Variants in RSPH1 observed in about 807,000 individuals in gnomAD.
The protein encoded by RSPH1 is radial spoke head component 1.
A neutral mutation model predicts 44.2 loss-of-function variants in RSPH1; 32 were observed. The ratio of observed to expected loss-of-function variants is 0.72; its 90% confidence interval spans 0.55 to 0.97. The LOEUF is 0.97. Ranked by LOEUF, RSPH1 falls within the 50% of genes least tolerant of loss-of-function variation. The pLI is 0.00. For missense variants in RSPH1, 391 were observed against 398.7 expected (o/e 0.98, Z 0.16); for synonymous variants, 134 against 147.3 (o/e 0.91, Z 0.65).
At position 42,477,408 on chromosome 21, in the gene RSPH1, T is replaced by C. The variant is rs1359953223; in HGVS notation, c.610A>G (p.Thr204Ala). Reference protein sequence around the residue: ...GEEEEEEELVTVVPKWKATQI... With the variant: ...GEEEEEEELVAVVPKWKATQI... The stretch of plus-strand genomic sequence containing the variant: ...GTAGCTTTCCATTTTGGAACAACAG[T>C]TACTAATTCTTCCTCCTCTTCCTCT... Residue 204 changes from threonine to alanine, a missense_variant, in exon 7 of 9, where the codon ACT becomes GCT. Transcript: ENST00000291536. 2 of 1,614,126 alleles carry C rather than the reference T, an allele frequency of 1.2e-6. No individual in the cohort carries two copies. Among genetic ancestry groups the C allele is most frequent in the Non-Finnish European group, 8.5e-7 (1 of 1,179,960 alleles).
intron 4 of RSPH1, 73 bp downstream of exon 4, chr21:42,486,298 T>G: frequency 1.8e-6 from 2 of 1,096,820 alleles, no homozygotes; most frequent in East Asian, 4.7e-5. Flanking sequence ...CCTCAGTAAG[T>G]GTAAACAATC....
intron 8 of RSPH1, among the ~76,000 whole-genome samples, 182 bp from the exon 9 acceptor site, chr21:42,473,052 C>T (rs1267375432): frequency 6.6e-6 from 1 of 151,862 alleles, no homozygotes; most frequent in South Asian, 2.1e-4. Context: ...TTTTGGTACC[C>T]GACATAAAAT....
Position 42,482,655 on chromosome 21 carries a change from T to A in RSPH1, c.555A>T (p.Glu185Asp), listed in dbSNP as rs1329945615. The change falls in exon 6 of 9, where the codon GAA (glutamate) becomes GAT (aspartate). Residue 185 changes from glutamate (E) to aspartate (D), a missense_variant. Transcript: ENST00000291536. ...AACTTACCATATCTGTTAAACGATA[T>A]TCACCATGTTGTTCACACCCAACAT... ...VFDVGCEQHG[E>D]YRLTDMERGE... The A allele has an allele frequency of 6.2e-7, 1 of 1,612,752 alleles. No individual in the cohort carries two copies. The highest frequency in any genetic ancestry group is 2.2e-5 in the East Asian group (1 of 44,862).
At chr21:42,496,035 A>G in intron 1 of RSPH1, 98 bp downstream of exon 1, 1 of 1,379,256 alleles carries the variant, frequency 7.3e-7, no homozygotes. Flanking sequence ...TGTGGCTCAG[A>G]CCTCTGGTTT....
rs1281564043 is a variant in RSPH1, at chr21:42,486,360, A to G, written c.365+11T>C. On this transcript the variant is annotated intron_variant, in intron 4 of 8. Transcript: ENST00000291536. ...AGCAAATCCCGTTAAGACCCAAGATAGAAACCGAACCTTTGATGAGCAAAC... is the reference window on the plus strand; with the variant it reads ...AGCAAATCCCGTTAAGACCCAAGATGGAAACCGAACCTTTGATGAGCAAAC... 1.5e-5 allele frequency: 24 copies of G among 1,595,328 alleles called. No homozygotes were observed. Among genetic ancestry groups the G allele is most frequent in the Non-Finnish European group, 2.1e-5 (24 of 1,163,012 alleles).
chr21:42,486,288 C>A, intron 4 of RSPH1, 83 bp downstream of exon 4: 2 of 1,030,612 alleles, frequency 1.9e-6, no homozygotes, highest in South Asian at 1.3e-5. Flanking sequence ...TGATTCTGTT[C>A]CTCAGTAAGT....
chr21:42,491,118 G>A (rs1173962782), intron 3 of RSPH1, among the ~76,000 whole-genome samples: 1 of 152,140 alleles, frequency 6.6e-6, no homozygotes, highest in Non-Finnish European at 1.5e-5. Context: ...AGTCCTATGA[G>A]CCGCTATGGC....
chr21:42,486,436 G>A lies in RSPH1; in HGVS notation c.300C>T (p.His100=), dbSNP rs753822297. 1.3e-5 allele frequency: 21 copies of A among 1,613,834 alleles called. No homozygotes were observed. Among genetic ancestry groups the A allele is most frequent in the Admixed American group, 8.3e-5 (5 of 60,000 alleles). ...TGATGTAGTAGTATACGCCATGGCC[G>A]TGCCGCAGGTCATTTGCCCACTCTC... The part of the protein sequence containing the change: ...YEGEWANDLR[H]GHGVYYYINN... The change falls in exon 4 of 9, where the codon CAC becomes CAT. Residue 100 remains histidine (H), a synonymous_variant. Transcript: ENST00000291536.
At chr21:42,482,285 C>T (rs1188825923) in intron 6 of RSPH1, among the ~76,000 whole-genome samples, 3 of 152,142 alleles carry the variant, frequency 2.0e-5, no homozygotes, top group Non-Finnish European at 2.9e-5. Flanking sequence ...GGATTCATCA[C>T]GTTGGCCAGT....
rs983826691 is a variant in RSPH1 at position 42,489,749 on chromosome 21, G to A, written c.274+3009C>T. Among the ~76,000 whole-genome samples the A allele has an allele frequency of 3.4e-4, 52 of 151,930 alleles. 1 individual carries two copies. The highest frequency in any genetic ancestry group is 1.5e-5 in the Non-Finnish European group (1 of 67,870). ...AGATGCAGAACCTGAAAAGCAGAGA[G>A]ACTGCATGCATTCCCCAAGGTCCCA... On this transcript the variant is annotated intron_variant, in intron 3 of 8. Transcript: ENST00000291536.
chr21:42,484,278 A>G (rs777874798), intron 5 of RSPH1, among the ~76,000 whole-genome samples: 18 of 152,228 alleles, frequency 1.2e-4, no homozygotes, highest in African/African-American at 4.1e-4. Context: ...CTCATATTCT[A>G]TTGGCAAGAG....
chr21:42,474,169 C>T lies in RSPH1; in HGVS notation c.878-1299G>A, dbSNP rs968419031. On this transcript the variant is annotated intron_variant, in intron 8 of 8. Transcript: ENST00000291536. This position sits in a 1 kb window ranked among gnomAD's most constrained non-coding sequence, Gnocchi z 5.2. ...GCAAGCCTGATACAGGCAATCCCCACAGCTCCCAGAGGTCCCGCCTACTGG... is the reference window on the plus strand; with the variant it reads ...GCAAGCCTGATACAGGCAATCCCCATAGCTCCCAGAGGTCCCGCCTACTGG... Among the ~76,000 whole-genome samples, 1 of 152,232 alleles carries T rather than the reference C, an allele frequency of 6.6e-6. No homozygotes were observed. Among genetic ancestry groups the T allele is most frequent in the Non-Finnish European group, 1.5e-5 (1 of 68,042 alleles).
At chr21:42,486,265 TG>T in intron 4 of RSPH1, 105 bp downstream of exon 4, 1 of 883,748 alleles carries the variant, frequency 1.1e-6, no homozygotes, top group Non-Finnish European at 1.9e-6. Context: ...AGTTGGTAAC[TG>T]GGCTTTTGTT....
chr21:42,478,012 G>A (rs953369750), intron 6 of RSPH1, among the ~76,000 whole-genome samples: 4 of 152,196 alleles, frequency 2.6e-5, no homozygotes, highest in Non-Finnish European at 5.9e-5. Context: ...AAAAGCTCAA[G>A]TGTCAAGGAT....
chr21:42,476,135 G>T, intron 7 of RSPH1, 88 bp from the exon 8 acceptor site: 3 of 1,361,128 alleles, frequency 2.2e-6, no homozygotes, highest in Non-Finnish European at 3.0e-6. Flanking sequence ...CTGGGCTGCC[G>T]TGCCCCCACC....
chr21:42,493,247 G>A (rs908616688), intron 1 of RSPH1, among the ~76,000 whole-genome samples, 168 bp from the exon 2 acceptor site: 11 of 152,122 alleles, frequency 7.2e-5, no homozygotes, highest in Admixed American at 4.6e-4. Context: ...AGGTAACAAC[G>A]CCTGGGCTAG....
intron 3 of RSPH1, among the ~76,000 whole-genome samples, chr21:42,491,121 G>T (rs879611893): frequency 1.4e-4 from 22 of 152,072 alleles, no homozygotes; most frequent in African/African-American, 5.1e-4. Context: ...CCTATGAGCC[G>T]CTATGGCACA....
intron 6 of RSPH1, among the ~76,000 whole-genome samples, chr21:42,479,920 A>G (rs1427407582): frequency 6.6e-6 from 1 of 152,178 alleles, no homozygotes; most frequent in African/African-American, 2.4e-5. Flanking sequence ...TTACTTAGCA[A>G]CAAAATCAAG....
At chr21:42,492,930 T>G in intron 2 of RSPH1, 36 bp downstream of exon 2, 1 of 1,598,800 alleles carries the variant, frequency 6.3e-7, no homozygotes, top group Non-Finnish European at 8.6e-7. Context: ...GAGTATTAAA[T>G]AGAGAAAACC....
Sources: allele counts gnomAD v4.1 joint callset (sites outside exome capture counted in the v4.1 genomes callset), GRCh38; gene constraint gnomAD v4.1.1; non-coding constraint Gnocchi (gnomAD v3.1); transcripts MANE v1.5; gene names NCBI Gene and HGNC (gene_info 2026-07-23, HGNC 2026-07-21).